The following PPP6R1 variants were observed in gnomAD, a reference collection of about 807,000 sequenced individuals.
PPP6R1 encodes serine/threonine-protein phosphatase 6 regulatory subunit 1.
In PPP6R1, 39 loss-of-function variants were observed where a neutral mutation model predicts 104.6. The ratio of observed to expected loss-of-function variants is 0.37; its 90% CI spans 0.29 to 0.49. The LOEUF (loss-of-function observed/expected upper bound fraction) is 0.49, where lower values mean the gene tolerates loss of function less well. Among genes scored for constraint, PPP6R1 ranks in the 20% least tolerant of loss-of-function variants. The pLI, the probability that PPP6R1 is intolerant of heterozygous loss-of-function variation, is 0.98. For synonymous variants in PPP6R1, 549 were observed against 479.0 expected, an observed-to-expected ratio of 1.15 and a Z score of -1.91; for missense variants, 1,181 against 1,155.8, an observed-to-expected ratio of 1.02 and a Z score of -0.32.
downstream of PPP6R1, chr19:55,229,095 G>C (rs569962685): frequency 4.0e-6 from 1 of 252,826 alleles, no homozygotes; most frequent in African/African-American, 2.2e-5. Flanking sequence ...GGAAGCGGGA[G>C]AGGGGCTGGC....
At chr19:55,228,421 C>G, downstream of PPP6R1, 2 of 1,612,522 alleles carry the variant, frequency 1.2e-6, no homozygotes, top group Non-Finnish European at 1.7e-6. Context: ...GCTCAGCCAC[C>G]TGCAGACATC....
intron 17 of PPP6R1, chr19:55,236,312 G>A (rs1054749354): frequency 1.6e-5 from 4 of 256,014 alleles, no homozygotes; most frequent in Non-Finnish European, 1.5e-5. Flanking sequence ...ACACCACCAT[G>A]CCCATCTAAC....
At position 55,241,650 on chromosome 19, in the gene PPP6R1, G is replaced by A. The variant is rs2087458953; in HGVS notation, c.846-11C>T. ...GTCACGGACTCGGACCTGCAGCAGG[G>A]CAGGGTCGAAGGCGGAGTGAGCCTA... On this transcript the variant is annotated splice_polypyrimidine_tract_variant and intron_variant, in intron 7 of 23. Transcript: ENST00000412770. This position sits in a 1 kb window ranked among gnomAD's most constrained non-coding sequence, Gnocchi z 5.4. 2 of 1,561,300 alleles carry A rather than the reference G, an allele frequency of 1.3e-6. No homozygotes were observed. Among genetic ancestry groups the A allele is most frequent in the African/African-American group, 1.4e-5 (1 of 73,382 alleles).
At chr19:55,251,716 G>A (rs1023501308) in intron 1 of PPP6R1, among the ~76,000 whole-genome samples, 2 of 152,136 alleles carry the variant, frequency 1.3e-5, no homozygotes, top group Non-Finnish European at 2.9e-5. Flanking sequence ...CAAGGAATGC[G>A]ACAGGCCGAC....
chr19:55,255,048 C>A (rs2087582457), intron 1 of PPP6R1, among the ~76,000 whole-genome samples: 1 of 152,192 alleles, frequency 6.6e-6, no homozygotes, highest in Admixed American at 6.5e-5. Flanking sequence ...CAAGGCCCAA[C>A]AAGATGATGA....
downstream of PPP6R1, chr19:55,228,240 GCA>G: frequency 6.2e-7 from 1 of 1,612,358 alleles, no homozygotes. Flanking sequence ...CCACAGCCGA[GCA>G]CACAAGGGCT....
In PPP6R1 at chr19:55,247,170, G is replaced by C. The variant is rs1342801436; in HGVS notation, c.-6-61C>G. 4 of 1,531,396 alleles carry C rather than the reference G, an allele frequency of 2.6e-6. No individual in the cohort carries two copies. The South Asian group carries it at 3.4e-5, about 13-fold the overall frequency. The allele number at this position is 1,531,396 out of a possible 1,614,324, so 94.9% of individuals were successfully genotyped here. ...GCCCCAGGGAGTCCCCACTGGACGAGGCACTGACCACAGGGGCTGAGTGCC... is the reference window on the plus strand; with the variant it reads ...GCCCCAGGGAGTCCCCACTGGACGACGCACTGACCACAGGGGCTGAGTGCC... On this transcript the variant is annotated intron_variant, in intron 1 of 23. Coordinates refer to ENST00000412770, the MANE Select transcript of PPP6R1 (RefSeq NM_014931.4).
chr19:55,242,544 C>T (rs1388552488), intron 5 of PPP6R1, 56 bp from the exon 6 acceptor site: 2 of 1,468,926 alleles, frequency 1.4e-6, no homozygotes, highest in Non-Finnish European at 1.9e-6. Context: ...CCCTCTGCAG[C>T]CTGGTGCTGG....
chr19:55,246,849 C>T (rs763805244), intron 2 of PPP6R1, 28 bp downstream of exon 2: 11 of 1,527,486 alleles, frequency 7.2e-6, no homozygotes, highest in African/African-American at 2.7e-5. Flanking sequence ...CTGATAGGGA[C>T]GGGCTGGCCA....
At chr19:55,240,342 C>T in intron 10 of PPP6R1, 42 bp from the exon 11 acceptor site, 2 of 1,554,922 alleles carry the variant, frequency 1.3e-6, no homozygotes, top group Non-Finnish European at 1.7e-6. Flanking sequence ...GGGTGGTCTG[C>T]ACACATGTGG....
At chr19:55,229,189 ACCTTT>A, downstream of PPP6R1, 1 of 174,980 alleles carries the variant, frequency 5.7e-6, no homozygotes, top group South Asian at 1.3e-4. Context: ...GCTCCATGAA[ACCTTT>A]CCTCATTCTG....
Position 55,241,389 on chromosome 19 carries a change from C to T in PPP6R1, c.1011G>A (p.Leu337=). Residue 337 remains leucine (L), a splice_region_variant and synonymous_variant, in exon 9 of 24, where the codon CTG becomes CTA. Coordinates refer to ENST00000412770, the MANE Select transcript of PPP6R1 (RefSeq NM_014931.4). The surrounding 1 kb of genome is among the most constrained non-coding windows in gnomAD (Gnocchi z 5.4). ...FHQLLLEPPK[L]EPLQMTWGML... ...TGCCCCATGTCATCTGTAGCGGCTCCAGCTGCAGACACAGGGAGGCCTGAT... is the reference window on the plus strand; with the variant it reads ...TGCCCCATGTCATCTGTAGCGGCTCTAGCTGCAGACACAGGGAGGCCTGAT... The T allele has an allele frequency of 6.2e-7, 1 of 1,606,720 alleles. No homozygotes were observed. The highest frequency in any genetic ancestry group is 1.1e-5 in the South Asian group (1 of 90,520).
At chr19:55,230,584 A>G (rs548672575) in intron 23 of PPP6R1, 29 bp downstream of exon 23, 5 of 1,612,406 alleles carry the variant, frequency 3.1e-6, no homozygotes, top group Admixed American at 3.3e-5. Flanking sequence ...AGCCCCACCT[A>G]CCCAGCCCGA....
chr19:55,255,465 C>T (rs774588378), intron 1 of PPP6R1, among the ~76,000 whole-genome samples: 5 of 152,188 alleles, frequency 3.3e-5, no homozygotes, highest in Admixed American at 6.5e-5. Flanking sequence ...CTCACCCCAC[C>T]GAGCCCCAGT....
downstream of PPP6R1, chr19:55,228,905 C>T: frequency 1.5e-6 from 1 of 678,420 alleles, no homozygotes; most frequent in South Asian, 1.8e-5. Flanking sequence ...ATGGCCCTGC[C>T]TGGCGCCCGC....
intron 21 of PPP6R1, 93 bp from the exon 22 acceptor site, chr19:55,230,977 GGTGT>G (rs1237618764): frequency 9.0e-7 from 1 of 1,111,478 alleles, no homozygotes; most frequent in East Asian, 2.5e-5. Context: ...CGGCTCACTG[GGTGT>G]GTGTCTGCCA....
rs1568942431 is a variant in PPP6R1 at position 55,231,500 on chromosome 19, GA to G, written c.2378-10del. 2.5e-6 allele frequency: 4 copies of G among 1,604,092 alleles called. No homozygotes were observed. The highest frequency in any genetic ancestry group is 1.1e-5 in the South Asian group (1 of 89,252). On this transcript the variant is annotated splice_polypyrimidine_tract_variant and intron_variant, in intron 20 of 23. Coordinates refer to ENST00000412770, the MANE Select transcript of PPP6R1 (RefSeq NM_014931.4). Reference sequence around the variant, plus strand: ...CAAGGCCTGGCAAGGGGCTGTGGGGGATAAGAGATCTCAGCTGCAGCTCCCA... The same window carrying G: ...CAAGGCCTGGCAAGGGGCTGTGGGGGTAAGAGATCTCAGCTGCAGCTCCCA...
At chr19:55,240,211 G>A in intron 11 of PPP6R1, 25 bp downstream of exon 11, 2 of 1,577,620 alleles carry the variant, frequency 1.3e-6, no homozygotes, top group South Asian at 1.2e-5. Flanking sequence ...AGCCCCTGGA[G>A]ACATGAAGGG....
intron 1 of PPP6R1, among the ~76,000 whole-genome samples, chr19:55,250,109 C>T (rs758152272): frequency 2.6e-5 from 4 of 152,140 alleles, no homozygotes; most frequent in African/African-American, 7.2e-5. Flanking sequence ...GGAGGCCCTG[C>T]GGGTCTGGGT....
Sources: gnomAD v4.1 joint callset for allele counts (sites outside exome capture counted in the v4.1 genomes callset) on GRCh38, gnomAD v4.1.1 for gene constraint, Gnocchi (gnomAD v3.1) non-coding constraint, MANE v1.5 for transcripts, NCBI Gene and HGNC (gene_info 2026-07-23, HGNC 2026-07-21) for gene names.